ERICH2: variants seen among roughly 807,000 people sequenced by gnomAD.
ERICH2 encodes the protein glutamate rich 2.
In ERICH2, 17 loss-of-function variants were observed where a neutral mutation model predicts 17.4. The observed-to-expected ratio is 0.98, with a 90% CI of 0.67 to 1.47. The LOEUF is 1.47. Among genes scored for constraint, ERICH2 ranks in the 40% most tolerant of loss-of-function variants. The pLI is 0.00. For missense variants in ERICH2, 186 were observed against 183.2 expected (o/e 1.01, Z -0.09); for synonymous variants, 51 against 61.1 (o/e 0.83, Z 0.77).
At chr2:170,770,671 T>C in the ERICH2 span, 2 of 155,200 alleles carry the variant, frequency 1.3e-5, no homozygotes, top group South Asian at 4.1e-4. Context: ...CTCCCTCGCT[T>C]AGAATCAGGT....
the ERICH2 span, among the ~76,000 whole-genome samples, chr2:170,772,739 A>T: frequency 5.3e-5 from 8 of 152,218 alleles, no homozygotes; most frequent in African/African-American, 7.2e-5. Flanking sequence ...CTCCCTGAGG[A>T]TAGAGGATAG....
At chr2:170,772,248 C>T in the ERICH2 span, among the ~76,000 whole-genome samples, 1 of 152,198 alleles carries the variant, frequency 6.6e-6, no homozygotes, top group East Asian at 1.9e-4. Flanking sequence ...TTTGCCCCAT[C>T]CAGTTTCGGC....
intron 2 of ERICH2, among the ~76,000 whole-genome samples, chr2:170,790,558 C>T (rs559300611): frequency 5.0e-4 from 76 of 152,306 alleles, no homozygotes; most frequent in African/African-American, 1.3e-3. Context: ...ACCTGGGAGG[C>T]GGAGATTGCA....
At chr2:170,777,291 T>G in the ERICH2 span, 1 of 336,164 alleles carries the variant, frequency 3.0e-6, no homozygotes, top group Non-Finnish European at 4.3e-6. Flanking sequence ...CTAGTAGAAA[T>G]GTTTACATAA....
chr2:170,792,140 A>T (rs1383116598), intron 2 of ERICH2, among the ~76,000 whole-genome samples: 1 of 152,218 alleles, frequency 6.6e-6, no homozygotes, highest in Non-Finnish European at 1.5e-5. Flanking sequence ...AGAATATTTC[A>T]TGCCATGAGG....
chr2:170,787,271 C>A (rs1321438492), intron 2 of ERICH2, among the ~76,000 whole-genome samples: 2 of 152,172 alleles, frequency 1.3e-5, no homozygotes, highest in East Asian at 3.8e-4. Context: ...TTTTGGGGTA[C>A]AAACTTTTTT....
At chr2:170,779,919 C>A, upstream of ERICH2, 2 of 682,364 alleles carry the variant, frequency 2.9e-6, no homozygotes, top group Non-Finnish European at 3.6e-6. Flanking sequence ...TTTTTAGGCC[C>A]ATGTTTGACA....
upstream of ERICH2, chr2:170,779,810 G>T: frequency 1.0e-6 from 1 of 983,188 alleles, no homozygotes; most frequent in Non-Finnish European, 1.2e-6. Flanking sequence ...CTCTTTGGAC[G>T]CAGACCAAGA....
upstream of ERICH2, among the ~76,000 whole-genome samples, chr2:170,780,589 T>C (rs1411225251): frequency 6.6e-6 from 1 of 152,246 alleles, no homozygotes; most frequent in Non-Finnish European, 1.5e-5. Context: ...GCTAAATTCC[T>C]GTTTTAAGGG....
chr2:170,783,279 A>G (rs1405312928), upstream of ERICH2: 1 of 152,642 alleles, frequency 6.6e-6, no homozygotes, highest in African/African-American at 2.4e-5. Flanking sequence ...AAAAGAAAAA[A>G]CAATTAAAAA....
chr2:170,770,652 C>T, the ERICH2 span: 1 of 155,522 alleles, frequency 6.4e-6, no homozygotes, highest in African/African-American at 2.4e-5. Context: ...CCACCCCGCC[C>T]CCTTCCCTCT....
chr2:170,776,023 G>T, the ERICH2 span, among the ~76,000 whole-genome samples: 22 of 152,122 alleles, frequency 1.4e-4, no homozygotes, highest in East Asian at 4.3e-3. Flanking sequence ...TGAGGAAGTG[G>T]ATTGTTACTT....
chr2:170,782,157 T>C, upstream of ERICH2: 1 of 222,454 alleles, frequency 4.5e-6, no homozygotes, highest in East Asian at 1.8e-4. Flanking sequence ...ATATTGTATG[T>C]TTACATTAAA....
intron 2 of ERICH2, among the ~76,000 whole-genome samples, chr2:170,787,626 ACT>A (rs780887600): frequency 6.6e-6 from 1 of 152,176 alleles, no homozygotes; most frequent in Non-Finnish European, 1.5e-5. Flanking sequence ...CCAGCCAAAG[ACT>A]CAAAGAAACA....
chr2:170,787,112 A>G (rs1701177322), intron 2 of ERICH2, among the ~76,000 whole-genome samples: 1 of 152,056 alleles, frequency 6.6e-6, no homozygotes, highest in African/African-American at 2.4e-5. Flanking sequence ...GACTACTCAC[A>G]GGCATGATCA....
rs749278544 is a variant in ERICH2, at chr2:170,791,527, T to TAAACAAAA, written c.217-1333_217-1332insCAAAAAAA. ...TAACATGGTGAAACCCCGTCTCTAC[T>TAAACAAAA]AAAAAAAAAAAAATTAGCCGGGCGT... is the stretch of plus-strand genomic sequence containing the variant. On this transcript the variant is annotated intron_variant, in intron 2 of 4. Coordinates refer to ENST00000409885, the Ensembl canonical transcript of ERICH2. Among the ~76,000 whole-genome samples, 3 of 121,596 alleles carry TAAACAAAA rather than the reference T, an allele frequency of 2.5e-5. No homozygotes were observed. In the Admixed American group the frequency reaches 2.5e-4, roughly 10 times the overall value. The allele number at this position is 121,596 out of a possible 152,430, so 79.8% of individuals were successfully genotyped here.
the ERICH2 span, chr2:170,777,704 C>T: frequency 4.4e-5 from 54 of 1,225,928 alleles, no homozygotes; most frequent in Non-Finnish European, 5.4e-5. Context: ...TTTGATTGTG[C>T]AGCTGATCTC....
chr2:170,787,031 T>TTTTGTTTG lies in ERICH2; in HGVS notation c.216+2222_216+2229dup, dbSNP rs141133369. On this transcript the variant is annotated intron_variant, in intron 2 of 4. Coordinates refer to ENST00000409885, the Ensembl canonical transcript of ERICH2. ...TTTCCTCCTCCTTTGCATGCCTATA[T>TTTTGTTTG]TTTGTTTGTTTGTTTGTTTGTTTGT... 3.3e-5 allele frequency among the ~76,000 whole-genome samples: 5 copies of TTTTGTTTG among 151,306 alleles called. No individual in the cohort carries two copies. The South Asian group carries it at 6.3e-4, about 19-fold the overall frequency.
chr2:170,798,643 C>A, intron 4 of ERICH2, 127 bp from the exon 10 acceptor site: 1 of 1,148,160 alleles, frequency 8.7e-7, no homozygotes, highest in Non-Finnish European at 1.2e-6. Flanking sequence ...TGCAGTTAGC[C>A]AAGTCCAACT....
Sources: gnomAD v4.1 joint callset for allele counts (sites outside exome capture counted in the v4.1 genomes callset) on GRCh38, gnomAD v4.1.1 for gene constraint, MANE v1.5 for transcripts, NCBI Gene and HGNC (gene_info 2026-07-23, HGNC 2026-07-21) for gene names.